SMC1A: variants seen among roughly 807,000 people sequenced by gnomAD.
SMC1A encodes the protein structural maintenance of chromosomes protein 1A.
Under a neutral mutation model 94.5 loss-of-function variants are expected in SMC1A, and 4 were observed. The observed-to-expected ratio is 0.04, with a 90% CI of 0.02 to 0.10. SMC1A has a LOEUF of 0.10. SMC1A is among the 10% of genes least tolerant of loss of function. The pLI, the probability that SMC1A is intolerant of heterozygous loss-of-function variation, is 1.00. For synonymous variants in SMC1A, 345 were observed against 347.7 expected (o/e 0.99, Z 0.09); for missense variants, 304 against 989.0 (o/e 0.31, Z 9.29).
intron 1 of SMC1A, 110 bp downstream of exon 1, chrX:53,422,382 C>T: frequency 1.7e-6 from 1 of 575,301 alleles, no homozygotes; most frequent in Non-Finnish European, 3.0e-6. Flanking sequence ...GCAAGGAACC[C>T]GTAAGGGTCC....
At chrX:53,386,308 G>T (rs1556886461) in intron 19 of SMC1A, among the ~76,000 whole-genome samples, 1 of 111,197 alleles carries the variant, frequency 9.0e-6, no homozygotes, top group Admixed American at 9.6e-5. Flanking sequence ...CATATTAAAA[G>T]AAACTAAAGA....
chrX:53,385,654 A>G (rs1477597855), intron 19 of SMC1A, among the ~76,000 whole-genome samples: 1 of 111,138 alleles, frequency 9.0e-6, no homozygotes, highest in Non-Finnish European at 1.9e-5. Context: ...TAGAGGGAAT[A>G]CAAATATATT....
intron 19 of SMC1A, among the ~76,000 whole-genome samples, chrX:53,394,498 C>T (rs1602404528): frequency 1.8e-5 from 2 of 111,506 alleles, no homozygotes; most frequent in South Asian, 3.7e-4. Flanking sequence ...CTAGGCTTAG[C>T]TTAGTTATAT....
intron 1 of SMC1A, among the ~76,000 whole-genome samples, chrX:53,420,526 AAAAAAAAAAAG>A (rs1354308779): frequency 1.9e-4 from 21 of 110,664 alleles, no homozygotes; most frequent in African/African-American, 6.6e-4. Flanking sequence ...TGTCTCAAAA[AAAAAAAAAAAG>A]AAAAGAAAAA....
At chrX:53,404,327 C>T (rs1186468762) in intron 13 of SMC1A, among the ~76,000 whole-genome samples, 3 of 106,651 alleles carry the variant, frequency 2.8e-5, no homozygotes, top group Non-Finnish European at 5.8e-5. Flanking sequence ...CCCCCCGCCC[C>T]GCCCACTACC....
At chrX:53,389,993 G>A (rs1556886985) in intron 19 of SMC1A, among the ~76,000 whole-genome samples, 1 of 104,510 alleles carries the variant, frequency 9.6e-6, no homozygotes, top group Admixed American at 1.0e-4. Flanking sequence ...GGGACTACAG[G>A]CACGTGCCAC....
At chrX:53,401,163 C>T (rs375220339) in intron 15 of SMC1A, among the ~76,000 whole-genome samples, 3 of 111,562 alleles carry the variant, frequency 2.7e-5, no homozygotes, top group Admixed American at 9.6e-5. Context: ...CCTTTCCTGA[C>T]GGTTCTGAGC....
At chrX:53,385,784 T>C (rs781917161) in intron 19 of SMC1A, among the ~76,000 whole-genome samples, 1 of 112,052 alleles carries the variant, frequency 8.9e-6, no homozygotes, top group South Asian at 3.7e-4. Context: ...TTCATGTACC[T>C]TGTTTTATAC....
chrX:53,419,639 C>T (rs951962812), intron 1 of SMC1A, among the ~76,000 whole-genome samples: 2 of 109,010 alleles, frequency 1.8e-5, no homozygotes, highest in South Asian at 3.9e-4. Flanking sequence ...GCCTGAACAA[C>T]GTGGTGAAAC....
chrX:53,389,117 GTT>G (rs782693840), intron 19 of SMC1A, among the ~76,000 whole-genome samples: 1 of 84,580 alleles, frequency 1.2e-5, no homozygotes. Context: ...AACCATTTTT[GTT>G]TTTTTTTTTT....
intron 1 of SMC1A, among the ~76,000 whole-genome samples, chrX:53,419,921 G>A (rs2075748323): frequency 1.8e-5 from 2 of 109,901 alleles, no homozygotes; most frequent in African/African-American, 3.3e-5. Flanking sequence ...CAGTGTGGGC[G>A]TCAGAGTGAG....
intron 3 of SMC1A, among the ~76,000 whole-genome samples, chrX:53,414,443 A>C (rs1180363315): frequency 8.9e-6 from 1 of 112,131 alleles, no homozygotes; most frequent in Non-Finnish European, 1.9e-5. Flanking sequence ...GGGCCTGAGA[A>C]TGTGCATTTT....
chrX:53,396,164 T>G (rs1401378769), intron 18 of SMC1A, 63 bp downstream of exon 18: 32 of 1,142,975 alleles, frequency 2.8e-5, no homozygotes, highest in Non-Finnish European at 3.8e-5. Context: ...CTGGTCACTT[T>G]CACTCCCCAT....
Position 53,405,419 on chromosome X carries a change from AG to A in SMC1A, c.1912-29del, listed in dbSNP as rs782128930. 5.0e-5 allele frequency: 61 copies of A among 1,209,692 alleles called. 1 individual carries two copies. In the South Asian group the frequency reaches 8.8e-4, roughly 17 times the overall value. ...ACACACAGCAGGGGGAAGAGAGAAG[AG>A]GGGGAGAAGCTGAACAAATGAATCT... On this transcript the variant is annotated intron_variant, in intron 11 of 24. Coordinates refer to ENST00000322213, the MANE Select transcript of SMC1A (RefSeq NM_006306.4).
Position 53,412,946 on chromosome X carries a change from G to A in SMC1A, c.808C>T (p.Leu270=). The A allele has an allele frequency of 8.4e-7, 1 of 1,193,702 alleles. No homozygotes were observed. Among genetic ancestry groups the A allele is most frequent in the Non-Finnish European group, 1.1e-6 (1 of 879,622 alleles). The change falls in exon 5 of 25, where the codon CTG becomes TTG. Residue 270 remains leucine, a synonymous_variant. Coordinates refer to ENST00000322213, the MANE Select transcript of SMC1A (RefSeq NM_006306.4). ...EDELKEKKKE[L]GKMMREQQQI... ...TGCTGCTCCCGCATCATTTTGCCCA[G>A]CTCCTTCTTCTTCTCCTTCAGTTCA...
At chrX:53,385,256 GT>G (rs59355116) in intron 19 of SMC1A, among the ~76,000 whole-genome samples, 36,361 of 88,242 alleles carry the variant, frequency 0.41, 7,838 homozygotes, top group Non-Finnish European at 0.57. Flanking sequence ...TCCAGAATAG[GT>G]TTTTTTTTTT....
intron 19 of SMC1A, among the ~76,000 whole-genome samples, chrX:53,392,007 C>T (rs1244975327): frequency 9.1e-6 from 1 of 110,146 alleles, no homozygotes; most frequent in African/African-American, 3.3e-5. Flanking sequence ...CCTGGGGGAA[C>T]AAAATATCTA....
intron 20 of SMC1A, 65 bp from the exon 21 acceptor site, chrX:53,382,725 C>A: frequency 8.6e-7 from 1 of 1,159,630 alleles, no homozygotes; most frequent in South Asian, 1.8e-5. Context: ...AATGACAATC[C>A]AGAGCAGGAA....
At chrX:53,401,009 T>C (rs1983140345) in intron 15 of SMC1A, among the ~76,000 whole-genome samples, 1 of 111,522 alleles carries the variant, frequency 9.0e-6, no homozygotes, top group South Asian at 3.8e-4. Context: ...TAAAAACTAC[T>C]TAGTATCCAG....
Sources: gnomAD v4.1 joint callset for allele counts (sites outside exome capture counted in the v4.1 genomes callset) on GRCh38, gnomAD v4.1.1 for gene constraint, MANE v1.5 for transcripts, NCBI Gene and HGNC (gene_info 2026-07-23, HGNC 2026-07-21) for gene names.